The following CARD10 variants were observed in gnomAD, a reference collection of about 807,000 sequenced individuals.
The protein encoded by CARD10 is caspase recruitment domain family member 10.
A neutral mutation model predicts 114.6 loss-of-function variants in CARD10; 49 were observed. That is an observed-to-expected ratio of 0.43 (90% CI 0.34 to 0.54). CARD10 has a LOEUF of 0.54. Ranked by LOEUF, CARD10 falls within the 20% of genes least tolerant of loss-of-function variation. The pLI is 0.03. For synonymous variants in CARD10, 602 were observed against 593.2 expected, an observed-to-expected ratio of 1.01 and a Z score of -0.21; for missense variants, 1,206 against 1,397.2, an observed-to-expected ratio of 0.86 and a Z score of 2.18.
chr22:37,505,717 C>T (rs947025594), intron 7 of CARD10, among the ~76,000 whole-genome samples: 1 of 151,990 alleles, frequency 6.6e-6, no homozygotes, highest in Non-Finnish European at 1.5e-5. Flanking sequence ...GGGTCTGGGA[C>T]TCCAGCTCCA....
Position 37,501,261 on chromosome 22 carries a change from G to A in CARD10, c.1787+1341C>T, listed in dbSNP as rs983072306. 1.3e-5 allele frequency among the ~76,000 whole-genome samples: 2 copies of A among 152,248 alleles called. No homozygotes were observed. The highest frequency in any genetic ancestry group is 4.8e-5 in the African/African-American group (2 of 41,548). On this transcript the variant is annotated intron_variant, in intron 11 of 19. Coordinates refer to ENST00000251973, the MANE Select transcript of CARD10 (RefSeq NM_014550.4). This position sits in a 1 kb window ranked among gnomAD's most constrained non-coding sequence, Gnocchi z 5.4. ...GCAGCAGAAGTGGCCCCATGTGATC[G>A]TGGGGCCTGGGCGGGGCTGGGACGG...
At chr22:37,511,397 G>GGGA (rs1923639455) in intron 3 of CARD10, among the ~76,000 whole-genome samples, 2 of 136,496 alleles carry the variant, frequency 1.5e-5, no homozygotes, top group African/African-American at 2.9e-5. Flanking sequence ...GGAGAAGGGG[G>GGGA]TGAGGAGGAG....
chr22:37,502,755 T>C, intron 10 of CARD10, 30 bp from the exon 11 acceptor site: 1 of 1,605,678 alleles, frequency 6.2e-7, no homozygotes, highest in Non-Finnish European at 8.5e-7. Context: ...TTCAGGGATC[T>C]GGCACTGGGA....
In CARD10 at chr22:37,516,280, C is replaced by A. The variant is rs750065845; in HGVS notation, c.392G>T (p.Gly131Val). 5 of 1,594,122 alleles carry A rather than the reference C, an allele frequency of 3.1e-6. No homozygotes were observed. Among genetic ancestry groups the A allele is most frequent in the African/African-American group, 2.7e-5 (2 of 74,664 alleles). Reference protein sequence around the residue: ...SMILDEEGPEGLTQFLMTEVR... With the variant: ...SMILDEEGPEVLTQFLMTEVR... ...CTCTGTCATCAAGAATTGGGTCAGG[C>A]CCTCAGGCCCCTCCTCATCTGCCAG... is the stretch of plus-strand genomic sequence containing the variant. Residue 131 changes from glycine (G) to valine (V), a missense_variant, in exon 3 of 20, where the codon GGC becomes GTC. Physicochemically the swap from Gly to Val is moderately radical, Grantham distance 109 (BLOSUM62 -3). This residue lies in a region of CARD10 where 138 missense variants were observed against 218.0 expected (regional missense o/e 0.63). Transcript: ENST00000251973.
At chr22:37,518,177 C>A (rs1923905562) in intron 1 of CARD10, 69 bp from the exon 2 acceptor site, 1 of 1,515,286 alleles carries the variant, frequency 6.6e-7, no homozygotes, top group African/African-American at 1.4e-5. Flanking sequence ...GTTGCTTCTG[C>A]CCCCACCATG....
In CARD10 at chr22:37,496,758, G is replaced by A. The variant is rs540908644; in HGVS notation, c.1948-198C>T. On this transcript the variant is annotated intron_variant, in intron 12 of 19. Coordinates refer to ENST00000251973, the MANE Select transcript of CARD10 (RefSeq NM_014550.4). This position sits in a 1 kb window ranked among gnomAD's most constrained non-coding sequence, Gnocchi z 4.1. Reference sequence around the variant, plus strand: ...CCCCATCCACAGGACTCCCCAACCCGCCCAGCTCATCCAGGTCTTTCTCGA... The same window carrying A: ...CCCCATCCACAGGACTCCCCAACCCACCCAGCTCATCCAGGTCTTTCTCGA... 30 of 626,598 alleles carry A rather than the reference G, an allele frequency of 4.8e-5. No individual in the cohort carries two copies. The highest frequency in any genetic ancestry group is 4.3e-4 in the African/African-American group (23 of 53,986). 38.8% of individuals were successfully genotyped at this position (626,598 alleles called of 1,614,324 possible).
rs932339334 is a variant in CARD10 at position 37,494,133 on chromosome 22, G to A, written c.2429C>T (p.Ala810Val). 1.1e-5 allele frequency: 17 copies of A among 1,559,646 alleles called. No individual in the cohort carries two copies. The highest frequency in any genetic ancestry group is 9.5e-5 in the African/African-American group (7 of 73,460). Residue 810 changes from alanine to valine, a missense_variant, in exon 16 of 20, where the codon GCG becomes GTG. Ala to Val is a moderately conservative substitution (Grantham distance 64). Coordinates refer to ENST00000251973, the MANE Select transcript of CARD10 (RefSeq NM_014550.4). ...CTGATCCGGGGAGTCCCCTGCAGGC[G>A]CCCCCACGGGCTTGGGCCTCACCAG... ...LRLVRPKPVG[A>V]PAGDSPDQLL...
intron 4 of CARD10, chr22:37,509,007 C>G (rs1346006666): frequency 6.5e-7 from 1 of 1,549,876 alleles, no homozygotes; most frequent in Non-Finnish European, 8.7e-7. Flanking sequence ...CCCTCACCCA[C>G]CATCCAGGGC....
In CARD10 at chr22:37,519,269, T is replaced by G. The variant is rs1923950613; in HGVS notation, c.-69A>C. 2.1e-6 allele frequency: 3 copies of G among 1,401,122 alleles called. No homozygotes were observed. The highest frequency in any genetic ancestry group is 1.5e-5 in the African/African-American group (1 of 66,190). The allele number at this position is 1,401,122 out of a possible 1,614,324, so 86.8% of individuals were successfully genotyped here. On this transcript the variant is annotated 5_prime_UTR_variant, in exon 1 of 20. Transcript: ENST00000251973. This position sits in a 1 kb window ranked among gnomAD's most constrained non-coding sequence, Gnocchi z 4.1. ...GACCAGGGCTCCCTAGGGCTAGATG[T>G]GCGGCCAAGCACCCCCGGGGCGTCG...
chr22:37,515,629 T>C (rs951814238), intron 3 of CARD10, among the ~76,000 whole-genome samples: 2 of 150,260 alleles, frequency 1.3e-5, no homozygotes, highest in African/African-American at 4.9e-5. Flanking sequence ...GCCCCGGCCC[T>C]ACCGATGTTT....
chr22:37,514,843 A>AC (rs1923781794), intron 3 of CARD10: 1 of 152,422 alleles, frequency 6.6e-6, no homozygotes, highest in South Asian at 2.1e-4. Flanking sequence ...AATCCTTGGA[A>AC]CAACGCCCTG....
At position 37,507,968 on chromosome 22, in the gene CARD10, G is replaced by A. The variant is rs112130155; in HGVS notation, c.1066-14C>T. 9,846 of 1,613,760 alleles carry A rather than the reference G, an allele frequency of 6.1e-3. 71 individuals carry two copies. The highest frequency in any genetic ancestry group is 0.042 in the Middle Eastern group (252 of 6,020). On this transcript the variant is annotated splice_polypyrimidine_tract_variant and intron_variant, in intron 5 of 19. Coordinates refer to ENST00000251973, the MANE Select transcript of CARD10 (RefSeq NM_014550.4). ...CTCCTGCAGGTACTGAGGGTGGCAC[G>A]GGGCGGGGTCAGACCACAGGGCTGG...
intron 9 of CARD10, 180 bp downstream of exon 9, chr22:37,504,006 G>A: frequency 1.4e-6 from 1 of 715,040 alleles, no homozygotes; most frequent in South Asian, 1.5e-5. Context: ...TCTTAAGCCT[G>A]ACCTTGGTCG....
At chr22:37,517,872 G>A in intron 2 of CARD10, 99 bp downstream of exon 2, 1 of 1,449,568 alleles carries the variant, frequency 6.9e-7, no homozygotes, top group Non-Finnish European at 9.3e-7. Context: ...TTCCCTTACT[G>A]TTCAACAGGC....
chr22:37,497,639 G>A (rs1032697530), intron 11 of CARD10, among the ~76,000 whole-genome samples: 5 of 152,078 alleles, frequency 3.3e-5, no homozygotes, highest in Admixed American at 2.0e-4. Context: ...CGAGGCAGGC[G>A]GATCATGAGG....
Position 37,496,131 on chromosome 22 carries a change from T to A in CARD10, c.2060-128A>T. 8.2e-7 allele frequency: 1 copy of A among 1,225,964 alleles called. No individual in the cohort carries two copies. The highest frequency in any genetic ancestry group is 1.1e-6 in the Non-Finnish European group (1 of 892,852). The allele number at this position is 1,225,964 out of a possible 1,614,324, so 75.9% of individuals were successfully genotyped here. ...GAGTTCCCAGGACCCGACCTTCACC[T>A]TCTTAGAATGACTTAGGTCCAGAGG... is the stretch of plus-strand genomic sequence containing the variant. On this transcript the variant is annotated intron_variant, in intron 13 of 19. Transcript: ENST00000251973. This position sits in a 1 kb window ranked among gnomAD's most constrained non-coding sequence, Gnocchi z 4.1.
Position 37,495,556 on chromosome 22 carries a change from T to C in CARD10, c.2334A>G (p.Lys778=), listed in dbSNP as rs770749189. 4 of 1,613,432 alleles carry C rather than the reference T, an allele frequency of 2.5e-6. No homozygotes were observed. Among genetic ancestry groups the C allele is most frequent in the Non-Finnish European group, 3.4e-6 (4 of 1,179,870 alleles). The change falls in exon 15 of 20, where the codon AAA becomes AAG. Residue 778 remains lysine (K), a synonymous_variant. Transcript: ENST00000251973. The stretch of plus-strand genomic sequence containing the variant: ...CTCGGTGCCGGCTGGAGGGCAGGCA[T>C]TTCTCCTGAACTTCTAGGAGCTGCT... The part of the protein sequence containing the change: ...RAQQLLEVQE[K]CLPSSRHRGP...
chr22:37,510,577 C>A, intron 3 of CARD10, 156 bp from the exon 4 acceptor site: 1 of 630,380 alleles, frequency 1.6e-6, no homozygotes, highest in Non-Finnish European at 2.7e-6. Context: ...GAAAACAGGA[C>A]AGGCTGGACA....
rs1047392408 is a variant in CARD10, at chr22:37,509,224, C to T, written c.910-542G>A. ...ACAATGGCCAGGAGGCAGGCCCATG[C>T]AGCTGCTGACCTGCCACTGACCTGC... is the stretch of plus-strand genomic sequence containing the variant. On this transcript the variant is annotated intron_variant, in intron 4 of 19. Coordinates refer to ENST00000251973, the MANE Select transcript of CARD10 (RefSeq NM_014550.4). 33 of 1,279,854 alleles carry T rather than the reference C, an allele frequency of 2.6e-5. No homozygotes were observed. In the African/African-American group the frequency reaches 4.4e-4, roughly 17 times the overall value. 79.3% of individuals were successfully genotyped at this position (1,279,854 alleles called of 1,614,324 possible).
Sources: gnomAD v4.1 joint callset for allele counts (sites outside exome capture counted in the v4.1 genomes callset) on GRCh38, gnomAD v4.1.1 for gene constraint, gnomAD v4.1.1 regional missense constraint, Gnocchi (gnomAD v3.1) non-coding constraint, MANE v1.5 for transcripts, NCBI Gene and HGNC (gene_info 2026-07-23, HGNC 2026-07-21) for gene names.